The following SP1 variants were observed in gnomAD, a reference collection of about 807,000 sequenced individuals.
SP1 encodes the protein Sp1 transcription factor, also known as transcription factor Sp1.
In SP1, 6 loss-of-function variants were observed where a neutral mutation model predicts 66.3. That is an observed-to-expected ratio of 0.09 (90% CI 0.05 to 0.18). The LOEUF is 0.18. Among genes scored for constraint, SP1 ranks in the 10% least tolerant of loss-of-function variants. The pLI is 1.00. For synonymous variants in SP1, 417 were observed against 360.8 expected (o/e 1.16, Z -1.77); for missense variants, 848 against 964.5 (o/e 0.88, Z 1.60).
chr12:53,406,527 A>G lies in SP1; in HGVS notation c.1676-58A>G, dbSNP rs1025621771. The G allele has an allele frequency of 1.5e-5, 21 of 1,392,588 alleles. No individual in the cohort carries two copies. In the Admixed American group the frequency reaches 3.5e-4, roughly 23 times the overall value. The allele number at this position is 1,392,588 out of a possible 1,614,324, so 86.3% of individuals were successfully genotyped here. The stretch of plus-strand genomic sequence containing the variant: ...ATGTTGTGACTGTAGGGTATCACTG[A>G]GATGCCAGTGATAACCTGCCCATGT... On this transcript the variant is annotated intron_variant, in intron 3 of 5. Transcript: ENST00000327443.
intron 3 of SP1, among the ~76,000 whole-genome samples, chr12:53,385,427 C>G (rs1938206595): frequency 6.6e-6 from 1 of 150,454 alleles, no homozygotes; most frequent in South Asian, 2.1e-4. Context: ...AACCCTGTCT[C>G]TACTAAAAAT....
At chr12:53,398,531 C>T (rs1484726135) in intron 3 of SP1, among the ~76,000 whole-genome samples, 1 of 152,230 alleles carries the variant, frequency 6.6e-6, no homozygotes, top group Non-Finnish European at 1.5e-5. Flanking sequence ...GATTCACCCT[C>T]CTTGGCCTCC....
chr12:53,392,600 G>T (rs1213157602), intron 3 of SP1, among the ~76,000 whole-genome samples: 3 of 150,488 alleles, frequency 2.0e-5, no homozygotes, highest in Non-Finnish European at 3.0e-5. Context: ...CTCGTGATCC[G>T]CCCGCCTCGG....
At chr12:53,395,950 T>C (rs1027367882) in intron 3 of SP1, among the ~76,000 whole-genome samples, 1 of 151,950 alleles carries the variant, frequency 6.6e-6, no homozygotes, top group African/African-American at 2.4e-5. Flanking sequence ...TGAAACTCCA[T>C]CTCTACTAAA....
rs778299920 is a variant in SP1, at chr12:53,415,796, A to G, written c.*4556A>G. 2 of 152,602 alleles carry G rather than the reference A, an allele frequency of 1.3e-5. No individual in the cohort carries two copies. Among genetic ancestry groups the G allele is most frequent in the Non-Finnish European group, 2.9e-5 (2 of 68,054 alleles). The allele number at this position is 152,602 out of a possible 1,614,324, so 9.5% of individuals were successfully genotyped here. A position where few individuals can be genotyped will look rare whatever the true frequency, so the allele number is the denominator to read the frequency against. On this transcript the variant is annotated 3_prime_UTR_variant, in exon 6 of 6. Transcript: ENST00000327443. ...CCAGGGATATGGGCTCTGTCTACCC[A>G]GTGCTCCAGTTTCCCGGTAACTGCT...
chr12:53,410,860 A>G, intron 5 of SP1, 67 bp from the exon 6 acceptor site: 2 of 1,149,546 alleles, frequency 1.7e-6, no homozygotes, highest in Admixed American at 2.0e-5. Flanking sequence ...TAGAGTAAGC[A>G]CTGAATTGGG....
In SP1 at chr12:53,397,164, A is replaced by G. The variant is rs1466930872; in HGVS notation, c.1676-9421A>G. 2.0e-5 allele frequency among the ~76,000 whole-genome samples: 3 copies of G among 151,780 alleles called. No individual in the cohort carries two copies. In the East Asian group the frequency reaches 5.8e-4, roughly 29 times the overall value. ...GTAACTGGGACTACAGGCGCCTGCCACCACGCCTGGCTAATTTTTGTATTT... is the reference window on the plus strand; with the variant it reads ...GTAACTGGGACTACAGGCGCCTGCCGCCACGCCTGGCTAATTTTTGTATTT... On this transcript the variant is annotated intron_variant, in intron 3 of 5. Coordinates refer to ENST00000327443, the MANE Select transcript of SP1 (RefSeq NM_138473.3).
chr12:53,410,961 G>A lies in SP1; in HGVS notation c.2079G>A (p.Lys693=). The A allele has an allele frequency of 6.2e-7, 1 of 1,614,138 alleles. No individual in the cohort carries two copies. The highest frequency in any genetic ancestry group is 1.3e-5 in the African/African-American group (1 of 75,036). The change falls in exon 6 of 6, where the codon AAG becomes AAA. Residue 693 remains lysine (K), a synonymous_variant. Coordinates refer to ENST00000327443, the MANE Select transcript of SP1 (RefSeq NM_138473.3). ...EKKFACPECP[K]RFMRSDHLSK... Reference sequence around the variant, plus strand: ...AATTTGCCTGCCCTGAGTGTCCTAAGCGCTTCATGAGGAGTGACCACCTGT... The same window carrying A: ...AATTTGCCTGCCCTGAGTGTCCTAAACGCTTCATGAGGAGTGACCACCTGT...
rs1592577418 is a variant in SP1 at position 53,414,650 on chromosome 12, G to A, written c.*3410G>A. On this transcript the variant is annotated 3_prime_UTR_variant, in exon 6 of 6. Coordinates refer to ENST00000327443, the MANE Select transcript of SP1 (RefSeq NM_138473.3). ...TATTTTTTTTAACAAATCTAAAAAA[G>A]CACTATGAACTACAGGTGTTTGACT... The A allele has an allele frequency of 6.6e-6, 1 of 152,586 alleles. No homozygotes were observed. The highest frequency in any genetic ancestry group is 1.5e-5 in the Non-Finnish European group (1 of 68,002). The allele number at this position is 152,586 out of a possible 1,614,324, so 9.5% of individuals were successfully genotyped here. A position where few individuals can be genotyped will look rare whatever the true frequency, so the allele number is the denominator to read the frequency against.
intron 4 of SP1, among the ~76,000 whole-genome samples, chr12:53,408,301 A>G (rs1170459317): frequency 7.0e-6 from 1 of 143,202 alleles, no homozygotes; most frequent in African/African-American, 2.5e-5. Context: ...CAACGGCACG[A>G]TCTCGGCTCA....
chr12:53,409,630 A>G (rs894534966), intron 5 of SP1, 69 bp downstream of exon 5: 2 of 1,244,532 alleles, frequency 1.6e-6, no homozygotes, highest in African/African-American at 1.5e-5. Context: ...TATACCTACA[A>G]AATAACTAAA....
In SP1 at chr12:53,388,977, C is replaced by CAAAAAAAAA. The variant is rs59161932; in HGVS notation, c.1675+5358_1675+5366dup. On this transcript the variant is annotated intron_variant, in intron 3 of 5. Coordinates refer to ENST00000327443, the MANE Select transcript of SP1 (RefSeq NM_138473.3). ...CCTGGGCAGTAGGGTGAGTCCCTGT[C>CAAAAAAAAA]AAAAAAAAAAAGTATCTAATTTTAC... 8.8e-3 allele frequency among the ~76,000 whole-genome samples: 1,237 copies of CAAAAAAAAA among 140,024 alleles called. 18 individuals are homozygous for CAAAAAAAAA. The highest frequency in any genetic ancestry group is 0.03 in the African/African-American group (1,119 of 37,790). 91.9% of individuals were successfully genotyped at this position (140,024 alleles called of 152,430 possible). A position where few individuals can be genotyped will look rare whatever the true frequency, so the allele number is the denominator to read the frequency against.
intron 4 of SP1, among the ~76,000 whole-genome samples, chr12:53,408,305 C>T (rs561049278): frequency 1.4e-5 from 2 of 148,144 alleles, no homozygotes; most frequent in South Asian, 2.2e-4. Flanking sequence ...GGCACGATCT[C>T]GGCTCACTGC....
intron 3 of SP1, among the ~76,000 whole-genome samples, chr12:53,384,151 A>C (rs1433435807): frequency 6.6e-6 from 1 of 151,486 alleles, no homozygotes; most frequent in African/African-American, 2.4e-5. Context: ...TTGTATTTTT[A>C]GTAGAGACGG....
Position 53,403,519 on chromosome 12 carries a change from A to ATT in SP1, c.1676-3052_1676-3051dup, listed in dbSNP as rs34078240. Among the ~76,000 whole-genome samples, 18 of 143,312 alleles carry ATT rather than the reference A, an allele frequency of 1.3e-4. No homozygotes were observed. In the South Asian group the frequency reaches 2.7e-3, roughly 21 times the overall value. 94.0% of individuals were successfully genotyped at this position (143,312 alleles called of 152,430 possible). On this transcript the variant is annotated intron_variant, in intron 3 of 5. Coordinates refer to ENST00000327443, the MANE Select transcript of SP1 (RefSeq NM_138473.3). ...AGGCACACGCCACCATGCCCAGCTAATTTTTTTTTTTTTTTGTAGAGATGA... is the reference window on the plus strand; with the variant it reads ...AGGCACACGCCACCATGCCCAGCTAATTTTTTTTTTTTTTTTTGTAGAGATGA...
At chr12:53,398,393 C>T (rs1938536210) in intron 3 of SP1, among the ~76,000 whole-genome samples, 1 of 152,160 alleles carries the variant, frequency 6.6e-6, no homozygotes, top group South Asian at 2.1e-4. Flanking sequence ...AGCAATTCTC[C>T]TGCCTCAGCC....
At chr12:53,385,336 C>G (rs953094749) in intron 3 of SP1, among the ~76,000 whole-genome samples, 2 of 151,520 alleles carry the variant, frequency 1.3e-5, no homozygotes, top group African/African-American at 4.9e-5. Flanking sequence ...TGGCTCACGC[C>G]TGTAATTCCA....
intron 3 of SP1, among the ~76,000 whole-genome samples, chr12:53,397,154 G>A (rs1938508892): frequency 6.6e-6 from 1 of 151,724 alleles, no homozygotes; most frequent in South Asian, 2.1e-4. Flanking sequence ...TGGGACTACA[G>A]GCGCCTGCCA....
At chr12:53,410,082 G>C (rs1464801819) in intron 5 of SP1, among the ~76,000 whole-genome samples, 2 of 151,812 alleles carry the variant, frequency 1.3e-5, no homozygotes, top group Non-Finnish European at 2.9e-5. Context: ...CGAGGTGGGT[G>C]GATTTCTTGA....
Sources: allele counts gnomAD v4.1 joint callset (sites outside exome capture counted in the v4.1 genomes callset), GRCh38; gene constraint gnomAD v4.1.1; transcripts MANE v1.5; gene names NCBI Gene and HGNC (gene_info 2026-07-23, HGNC 2026-07-21).